CYB561D2: variants seen among roughly 807,000 people sequenced by gnomAD.
CYB561D2 encodes the protein transmembrane reductase CYB561D2.
A neutral mutation model predicts 20.2 loss-of-function variants in CYB561D2; 16 were observed. That is an observed-to-expected ratio of 0.79 (90% CI 0.53 to 1.20). CYB561D2 has a LOEUF of 1.20. Among genes scored for constraint, CYB561D2 ranks in the 50% most tolerant of loss-of-function variants. CYB561D2 has a pLI of 0.00. For missense variants in CYB561D2, 247 were observed against 270.3 expected (o/e 0.91, Z 0.60); for synonymous variants, 135 against 128.3 (o/e 1.05, Z -0.35).
In CYB561D2 at chr3:50,353,286, AGTTC is replaced by A. The variant is rs754949799; in HGVS notation, c.213_216del (p.Ser72CysfsTer135). 1.9e-6 allele frequency: 3 copies of A among 1,592,710 alleles called. No individual in the cohort carries two copies. In the Admixed American group the frequency reaches 5.1e-5, roughly 27 times the overall value. On this transcript the variant is annotated frameshift_variant, in exon 4 of 4. Transcript: ENST00000425346. LOFTEE classifies it high-confidence loss of function. Reference sequence around the variant, plus strand: ...GGCACTACTGGTGTTTTCTCCTGAGAGTTCGCTGCTGCACTCCCTCTCACGGAAA... The same window carrying A: ...GGCACTACTGGTGTTTTCTCCTGAGAGCTGCTGCACTCCCTCTCACGGAAA...
rs1703818636 is a variant in CYB561D2 at position 50,353,456 on chromosome 3, T to G, written c.381T>G (p.Ala127=). ...VTRHGQAGLL[A]VLWAGLQCSG... The stretch of plus-strand genomic sequence containing the variant: ...GGCATGGGCAGGCAGGGCTGCTGGC[T>G]GTGCTGTGGGCAGGGCTGCAGTGCT... The change falls in exon 4 of 4, where the codon GCT becomes GCG. Residue 127 remains alanine, a synonymous_variant. Transcript: ENST00000425346. 2 of 1,613,174 alleles carry G rather than the reference T, an allele frequency of 1.2e-6. No individual in the cohort carries two copies. Among genetic ancestry groups the G allele is most frequent in the Non-Finnish European group, 1.7e-6 (2 of 1,179,898 alleles).
Position 50,353,362 on chromosome 3 carries a change from G to A in CYB561D2, c.287G>A (p.Cys96Tyr). 3 of 1,613,512 alleles carry A rather than the reference G, an allele frequency of 1.9e-6. No homozygotes were observed. Among genetic ancestry groups the A allele is most frequent in the Non-Finnish European group, 2.5e-6 (3 of 1,180,022 alleles). ...HWVLQLLALL[C>Y]ALLGLGLVIL... ...GTGCTGCAGCTGCTGGCCCTGCTGTGTGCACTGCTGGGCCTCGGCCTTGTC... is the reference window on the plus strand; with the variant it reads ...GTGCTGCAGCTGCTGGCCCTGCTGTATGCACTGCTGGGCCTCGGCCTTGTC... The change falls in exon 4 of 4, where the codon TGT becomes TAT. Residue 96 changes from cysteine (C) to tyrosine (Y), a missense_variant. Coordinates refer to ENST00000425346, the MANE Select transcript of CYB561D2 (RefSeq NM_001291284.2).
At chr3:50,352,139 C>A (rs1703781425) in intron 3 of CYB561D2, 93 bp downstream of exon 3, 20 of 1,462,544 alleles carry the variant, frequency 1.4e-5, no homozygotes, top group Middle Eastern at 1.8e-4. Flanking sequence ...CATTTAATAT[C>A]TGTTTGGAAG....
chr3:50,351,335 C>A, intron 1 of CYB561D2, 74 bp from the exon 2 acceptor site: 1 of 1,491,014 alleles, frequency 6.7e-7, no homozygotes, highest in South Asian at 1.3e-5. Context: ...GGCATTCCTG[C>A]CTTGCAGCCT....
At position 50,353,369 on chromosome 3, in the gene CYB561D2, G is replaced by C. The variant is rs1225306756; in HGVS notation, c.294G>C (p.Leu98=). The C allele has an allele frequency of 2.5e-6, 4 of 1,613,446 alleles. No homozygotes were observed. Among genetic ancestry groups the C allele is most frequent in the Non-Finnish European group, 3.4e-6 (4 of 1,180,020 alleles). ...VLQLLALLCA[L]LGLGLVILHK... is the part of the protein sequence containing the mutation. ...AGCTGCTGGCCCTGCTGTGTGCACTGCTGGGCCTCGGCCTTGTCATCCTCC... is the reference window on the plus strand; with the variant it reads ...AGCTGCTGGCCCTGCTGTGTGCACTCCTGGGCCTCGGCCTTGTCATCCTCC... Residue 98 remains leucine (L), a synonymous_variant, in exon 4 of 4, where the codon CTG becomes CTC. Transcript: ENST00000425346.
chr3:50,352,650 C>T (rs1239358021), intron 3 of CYB561D2, among the ~76,000 whole-genome samples: 1 of 142,638 alleles, frequency 7.0e-6, no homozygotes, highest in Non-Finnish European at 1.5e-5. Flanking sequence ...CAGGCCACTG[C>T]ACTCCAGCCT....
chr3:50,352,617 CG>C (rs1406959849), intron 3 of CYB561D2, among the ~76,000 whole-genome samples: 1 of 138,334 alleles, frequency 7.2e-6, no homozygotes, highest in Non-Finnish European at 1.5e-5. Flanking sequence ...ACCCGGAAGG[CG>C]GAGATTGCAG....
Position 50,351,573 on chromosome 3 carries a change from C to T in CYB561D2, c.127+13C>T, listed in dbSNP as rs1400639913. On this transcript the variant is annotated intron_variant, in intron 2 of 3. Transcript: ENST00000425346. ...AGGCCTGGCTCCAGTAAGTAGAATTCATAGCTGACTTCTGGGAAGGGAAGG... is the reference window on the plus strand; with the variant it reads ...AGGCCTGGCTCCAGTAAGTAGAATTTATAGCTGACTTCTGGGAAGGGAAGG... 23 of 1,607,242 alleles carry T rather than the reference C, an allele frequency of 1.4e-5. No individual in the cohort carries two copies. Among genetic ancestry groups the T allele is most frequent in the Non-Finnish European group, 1.9e-5 (22 of 1,175,560 alleles).
At chr3:50,353,114 T>C in intron 3 of CYB561D2, 127 bp from the exon 4 acceptor site, 2 of 1,358,912 alleles carry the variant, frequency 1.5e-6, no homozygotes, top group East Asian at 4.7e-5. Context: ...GATAGTCTTG[T>C]CAGTGGGGAG....
intron 3 of CYB561D2, among the ~76,000 whole-genome samples, chr3:50,352,947 T>G (rs993428681): frequency 3.9e-5 from 6 of 152,180 alleles, no homozygotes; most frequent in African/African-American, 1.4e-4. Flanking sequence ...AAACAAAGCT[T>G]GTGAATCATT....
At chr3:50,351,875 C>T in intron 2 of CYB561D2, 134 bp from the exon 3 acceptor site, 1 of 1,086,488 alleles carries the variant, frequency 9.2e-7, no homozygotes, top group Non-Finnish European at 1.4e-6. Flanking sequence ...CAGCTTGTTG[C>T]AGAGCAAGAA....
rs1000320674 is a variant in CYB561D2, at chr3:50,353,983, A to G, written c.*239A>G. The G allele has an allele frequency of 7.6e-6, 4 of 525,368 alleles. No homozygotes were observed. The highest frequency in any genetic ancestry group is 7.5e-5 in the African/African-American group (4 of 52,990). 32.5% of individuals were successfully genotyped at this position (525,368 alleles called of 1,614,324 possible). On this transcript the variant is annotated 3_prime_UTR_variant, in exon 4 of 4. Coordinates refer to ENST00000425346, the MANE Select transcript of CYB561D2 (RefSeq NM_001291284.2). ...TGTGTCTGGATGAAGCTGGGGCTGC[A>G]AGACTGCCTCTCCTGCAAGGCAGCT...
In CYB561D2 at chr3:50,353,258, C is replaced by G; in HGVS notation, c.183C>G (p.Thr61=). The stretch of plus-strand genomic sequence containing the variant: ...TTCCTCAGTTCTCCTTCCTGATGAC[C>G]GAGGCACTACTGGTGTTTTCTCCTG... ...LMSLAFSFLM[T]EALLVFSPES... is the part of the protein sequence containing the mutation. The change falls in exon 4 of 4, where the codon ACC becomes ACG. Residue 61 remains threonine, a synonymous_variant. Coordinates refer to ENST00000425346, the MANE Select transcript of CYB561D2 (RefSeq NM_001291284.2). The G allele has an allele frequency of 6.4e-7, 1 of 1,566,290 alleles. No individual in the cohort carries two copies. The highest frequency in any genetic ancestry group is 1.2e-5 in the South Asian group (1 of 85,936).
Position 50,353,854 on chromosome 3 carries a change from C to A in CYB561D2, c.*110C>A. ...TCAGGGGACACCTCAGGCACTGGGA[C>A]AGTTGGGCATTTGGAGGCCCGTGTG... On this transcript the variant is annotated 3_prime_UTR_variant, in exon 4 of 4. Coordinates refer to ENST00000425346, the MANE Select transcript of CYB561D2 (RefSeq NM_001291284.2). 7.5e-7 allele frequency: 1 copy of A among 1,337,310 alleles called. No homozygotes were observed. The highest frequency in any genetic ancestry group is 1.0e-6 in the Non-Finnish European group (1 of 990,818). The allele number at this position is 1,337,310 out of a possible 1,614,324, so 82.8% of individuals were successfully genotyped here. A position where few individuals can be genotyped will look rare whatever the true frequency, so the allele number is the denominator to read the frequency against.
chr3:50,352,594 G>A (rs1057392025), intron 3 of CYB561D2, among the ~76,000 whole-genome samples: 3 of 148,812 alleles, frequency 2.0e-5, no homozygotes, highest in Non-Finnish European at 3.0e-5. Flanking sequence ...CCTGAGGCAG[G>A]AGAATTGCTT....
Position 50,353,378 on chromosome 3 carries a change from C to T in CYB561D2, c.303C>T (p.Leu101=), listed in dbSNP as rs759274974. ...CCCTGCTGTGTGCACTGCTGGGCCT[C>T]GGCCTTGTCATCCTCCACAAAGAGC... ...LLALLCALLG[L]GLVILHKEQL... Residue 101 remains leucine, a synonymous_variant, in exon 4 of 4, where the codon CTC becomes CTT. Coordinates refer to ENST00000425346, the MANE Select transcript of CYB561D2 (RefSeq NM_001291284.2). 1.9e-5 allele frequency: 30 copies of T among 1,613,418 alleles called. No individual in the cohort carries two copies. The highest frequency in any genetic ancestry group is 2.2e-5 in the Non-Finnish European group (26 of 1,180,026).
At chr3:50,351,090 A>C in intron 1 of CYB561D2, 106 bp downstream of exon 1, 1 of 455,364 alleles carries the variant, frequency 2.2e-6, no homozygotes, top group Non-Finnish European at 3.7e-6. Context: ...TACAATTTCC[A>C]TAGTGCTCCG....
At position 50,353,892 on chromosome 3, in the gene CYB561D2, C is replaced by T; in HGVS notation, c.*148C>T. The T allele has an allele frequency of 1.1e-6, 1 of 887,158 alleles. No homozygotes were observed. The highest frequency in any genetic ancestry group is 1.7e-6 in the Non-Finnish European group (1 of 593,674). The allele number at this position is 887,158 out of a possible 1,614,324, so 55.0% of individuals were successfully genotyped here. ...GGAGGCCCGTGTGTGAATTCCTGCT[C>T]CTCATGCTGGAGTGCCTCCCATTTC... On this transcript the variant is annotated 3_prime_UTR_variant, in exon 4 of 4. Transcript: ENST00000425346.
In CYB561D2 at chr3:50,350,909, C is replaced by G. The variant is rs1703738078; in HGVS notation, c.-101C>G. ...GCGGCTCCGTGACGGAGCGGCGGTGCGCGCGGCAGGGCCCGGAGTATCCCG... is the reference window on the plus strand; with the variant it reads ...GCGGCTCCGTGACGGAGCGGCGGTGGGCGCGGCAGGGCCCGGAGTATCCCG... On this transcript the variant is annotated 5_prime_UTR_variant, in exon 1 of 4. Coordinates refer to ENST00000425346, the MANE Select transcript of CYB561D2 (RefSeq NM_001291284.2). This position sits in a 1 kb window ranked among gnomAD's most constrained non-coding sequence, Gnocchi z 5.7. The G allele has an allele frequency of 7.2e-7, 1 of 1,391,764 alleles. No homozygotes were observed. Among genetic ancestry groups the G allele is most frequent in the East Asian group, 2.7e-5 (1 of 36,398 alleles). The allele number at this position is 1,391,764 out of a possible 1,614,324, so 86.2% of individuals were successfully genotyped here.
Sources: gnomAD v4.1 joint callset for allele counts (sites outside exome capture counted in the v4.1 genomes callset) on GRCh38, gnomAD v4.1.1 for gene constraint, Gnocchi (gnomAD v3.1) non-coding constraint, MANE v1.5 for transcripts, NCBI Gene and HGNC (gene_info 2026-07-23, HGNC 2026-07-21) for gene names.